The following HIPK2 variants were observed in gnomAD, a reference collection of about 807,000 sequenced individuals.
HIPK2 encodes the protein homeodomain interacting protein kinase 2.
Under a neutral mutation model 113.7 loss-of-function variants are expected in HIPK2, and 27 were observed. The ratio of observed to expected loss-of-function variants is 0.24; its 90% CI spans 0.17 to 0.33. The LOEUF is 0.33. Ranked by LOEUF, HIPK2 falls within the 10% of genes least tolerant of loss-of-function variation. The probability of loss-of-function intolerance (pLI) is 1.00; values close to 1 mark genes in which losing one functional copy is unlikely to be tolerated. For synonymous variants in HIPK2, 631 were observed against 642.2 expected, an observed-to-expected ratio of 0.98 and a Z score of 0.26; for missense variants, 1,257 against 1,588.0, an observed-to-expected ratio of 0.79 and a Z score of 3.54.
intron 2 of HIPK2, among the ~76,000 whole-genome samples, chr7:139,697,110 G>C (rs1270473472): frequency 6.6e-6 from 1 of 151,970 alleles, no homozygotes. Context: ...CCTCCTCCCC[G>C]ACCCCCTGCC....
intron 1 of HIPK2, among the ~76,000 whole-genome samples, chr7:139,752,275 TC>T (rs1325275374): frequency 6.6e-6 from 1 of 152,208 alleles, no homozygotes; most frequent in Non-Finnish European, 1.5e-5. Flanking sequence ...GTTTGCTGCA[TC>T]CACTGGCTCC....
At chr7:139,653,820 C>A (rs565843020) in intron 2 of HIPK2, among the ~76,000 whole-genome samples, 86 of 152,028 alleles carry the variant, frequency 5.7e-4, no homozygotes, top group Middle Eastern at 6.8e-3. Context: ...GCAACCTCCA[C>A]CTCCCAGGTT....
At chr7:139,632,172 CTA>C (rs1276848883) in intron 2 of HIPK2, among the ~76,000 whole-genome samples, 2 of 152,186 alleles carry the variant, frequency 1.3e-5, no homozygotes, top group Non-Finnish European at 2.9e-5. Flanking sequence ...TGGGAACTCA[CTA>C]TGTTGCCTAG....
chr7:139,610,923 G>A (rs1487240133), intron 9 of HIPK2, among the ~76,000 whole-genome samples: 2 of 152,166 alleles, frequency 1.3e-5, no homozygotes, highest in African/African-American at 2.4e-5. Context: ...CAATCAGATC[G>A]AGCTGTGGCA....
intron 1 of HIPK2, among the ~76,000 whole-genome samples, chr7:139,758,051 C>A (rs926183676): frequency 6.6e-6 from 1 of 152,240 alleles, no homozygotes; most frequent in Admixed American, 6.5e-5. Context: ...GAAGACTCAA[C>A]CTTGTAAAGA....
rs777965460 is a variant in HIPK2, at chr7:139,568,388, C to T, written c.*4539G>A. 2.6e-5 allele frequency: 4 copies of T among 152,444 alleles called. No individual in the cohort carries two copies. Among genetic ancestry groups the T allele is most frequent in the Non-Finnish European group, 5.9e-5 (4 of 68,186 alleles). The allele number at this position is 152,444 out of a possible 1,614,324, so 9.4% of individuals were successfully genotyped here. ...TAACTGGCATCAAGCCTCGACTCTC[C>T]CACCCCTTGATCTGCTCACCCACTT... On this transcript the variant is annotated 3_prime_UTR_variant, in exon 15 of 15. Transcript: ENST00000406875.
chr7:139,761,074 G>A (rs189722749), intron 1 of HIPK2, among the ~76,000 whole-genome samples: 14 of 152,178 alleles, frequency 9.2e-5, no homozygotes, highest in South Asian at 4.1e-4. Context: ...GTGTTACTAC[G>A]TGAAGTGGTT....
chr7:139,759,840 A>C (rs181105727), intron 1 of HIPK2, among the ~76,000 whole-genome samples: 3 of 152,326 alleles, frequency 2.0e-5, no homozygotes, highest in Non-Finnish European at 4.4e-5. Context: ...GCAAAACAGA[A>C]ATAATAAAAA....
chr7:139,768,612 G>A (rs79095981), intron 1 of HIPK2, among the ~76,000 whole-genome samples: 406 of 152,320 alleles, frequency 2.7e-3, no homozygotes, highest in African/African-American at 8.8e-3. Flanking sequence ...ACCACTGAGG[G>A]CACTGTGGCC....
intron 12 of HIPK2, among the ~76,000 whole-genome samples, chr7:139,587,827 G>A (rs762181340): frequency 2.6e-5 from 4 of 152,054 alleles, no homozygotes; most frequent in Non-Finnish European, 5.9e-5. Flanking sequence ...GCAGTGAGCT[G>A]TGGTCGTGTC....
At chr7:139,614,617 A>C (rs763325283) in intron 7 of HIPK2, 124 bp from the exon 8 acceptor site, 120 of 661,896 alleles carry the variant, frequency 1.8e-4, no homozygotes, top group Admixed American at 5.2e-4. Flanking sequence ...AACAAAAACT[A>C]AGAGCAGAAA....
chr7:139,674,912 G>A (rs10262338), intron 2 of HIPK2, among the ~76,000 whole-genome samples: 76,282 of 151,930 alleles, frequency 0.5, 20,435 homozygotes, highest in Non-Finnish European at 0.6. Context: ...CATCCACCCT[G>A]GCTCTTCTCT....
rs775864063 is a variant in HIPK2, at chr7:139,572,995, G to A, written c.3529C>T (p.Pro1177Ser). Reference protein sequence around the residue: ...FAHQTYISASPASTVYTGYPL... With the variant: ...FAHQTYISASSASTVYTGYPL... ...TATCCAGTGTAGACGGTGGAGGCTGGCGAGGCGCTGATGTAGGTCTGGTGG... is the reference window on the plus strand; with the variant it reads ...TATCCAGTGTAGACGGTGGAGGCTGACGAGGCGCTGATGTAGGTCTGGTGG... Residue 1177 changes from proline (P) to serine (S), a missense_variant, in exon 15 of 15, where the codon CCA becomes TCA. Transcript: ENST00000406875. 1.2e-6 allele frequency: 2 copies of A among 1,609,266 alleles called. No homozygotes were observed. The highest frequency in any genetic ancestry group is 1.7e-4 in the Middle Eastern group (1 of 6,048).
rs1436519491 is a variant in HIPK2, at chr7:139,683,282, C to T, written c.1103+32650G>A. 6.6e-6 allele frequency among the ~76,000 whole-genome samples: 1 copy of T among 152,128 alleles called. No homozygotes were observed. The highest frequency in any genetic ancestry group is 1.9e-4 in the East Asian group (1 of 5,196). The stretch of plus-strand genomic sequence containing the variant: ...TGCCTGTTAATGTGTAACAAGGTAC[C>T]GCAAAACTTAGTGCCTTAAAATAAC... On this transcript the variant is annotated intron_variant, in intron 2 of 14. Coordinates refer to ENST00000406875, the MANE Select transcript of HIPK2 (RefSeq NM_022740.5). The surrounding 1 kb of genome is among the most constrained non-coding windows in gnomAD (Gnocchi z 4.2).
chr7:139,643,489 A>G (rs530783179), intron 2 of HIPK2, among the ~76,000 whole-genome samples: 1 of 152,316 alleles, frequency 6.6e-6, no homozygotes, highest in East Asian at 1.9e-4. Flanking sequence ...ACTTGTTTAC[A>G]TGCCAGAGGA....
At position 139,758,955 on chromosome 7, in the gene HIPK2, A is replaced by T. The variant is rs182083871; in HGVS notation, c.19+18650T>A. On this transcript the variant is annotated intron_variant, in intron 1 of 14. Transcript: ENST00000406875. ...AAAATACAGAAGCCATAAAAAAAAT[A>T]AATTTGACTACATAAAATGAAAGAG... 8.5e-4 allele frequency among the ~76,000 whole-genome samples: 130 copies of T among 152,370 alleles called. 1 individual carries two copies. The East Asian group carries it at 0.021, about 25-fold the overall frequency.
intron 2 of HIPK2, among the ~76,000 whole-genome samples, chr7:139,644,332 C>T (rs963468366): frequency 3.3e-5 from 5 of 152,218 alleles, no homozygotes; most frequent in African/African-American, 4.8e-5. Context: ...TCCTCCCATC[C>T]GCTGTCCCTC....
Position 139,571,237 on chromosome 7 carries a change from G to T in HIPK2, c.*1690C>A, listed in dbSNP as rs1217737890. The T allele has an allele frequency of 1.4e-5, 2 of 144,728 alleles. No individual in the cohort carries two copies. Among genetic ancestry groups the T allele is most frequent in the Non-Finnish European group, 2.9e-5 (2 of 68,084 alleles). The allele number at this position is 144,728 out of a possible 1,614,324, so 9.0% of individuals were successfully genotyped here. On this transcript the variant is annotated 3_prime_UTR_variant, in exon 15 of 15. Coordinates refer to ENST00000406875, the MANE Select transcript of HIPK2 (RefSeq NM_022740.5). ...ACAGAGGGAGGGATCTGGCAAGATC[G>T]TTAGAGCAAAACAGCCCAGGGAGCC...
Position 139,631,219 on chromosome 7 carries a change from T to C in HIPK2, c.1293A>G (p.Thr431=), listed in dbSNP as rs1800603522. The change falls in exon 4 of 15, where the codon ACA becomes ACG. Residue 431 remains threonine (T), a synonymous_variant. Transcript: ENST00000406875. This position sits in a 1 kb window ranked among gnomAD's most constrained non-coding sequence, Gnocchi z 4.9. The stretch of plus-strand genomic sequence containing the variant: ...CCGTGTCACGGTTGAAAAACCTAGT[T>C]GTCTTTGTCCCGGCGCTTAATAAAT... The part of the protein sequence containing the change: ...AEYLLSAGTK[T]TRFFNRDTDS... 1 of 1,613,828 alleles carries C rather than the reference T, an allele frequency of 6.2e-7. No homozygotes were observed. Among genetic ancestry groups the C allele is most frequent in the Non-Finnish European group, 8.5e-7 (1 of 1,179,836 alleles).
Sources: allele counts gnomAD v4.1 joint callset (sites outside exome capture counted in the v4.1 genomes callset), GRCh38; gene constraint gnomAD v4.1.1; non-coding constraint Gnocchi (gnomAD v3.1); transcripts MANE v1.5; gene names NCBI Gene and HGNC (gene_info 2026-07-23, HGNC 2026-07-21).